Variants in USP34 observed in about 807,000 individuals in gnomAD.
USP34 encodes ubiquitin specific peptidase 34, also known as ubiquitin carboxyl-terminal hydrolase 34.
In USP34, 70 loss-of-function variants were observed where a neutral mutation model predicts 460.3. The observed-to-expected ratio is 0.15, with a 90% confidence interval of 0.13 to 0.19. The LOEUF is 0.19. USP34 is among the 10% of genes least tolerant of loss of function. The pLI is 1.00. For missense variants in USP34, 3,985 were observed against 4,236.2 expected (o/e 0.94, Z 1.65); for synonymous variants, 1,647 against 1,405.3 (o/e 1.17, Z -3.85).
chr2:61,253,790 AG>A (rs1341209365), intron 48 of USP34, among the ~76,000 whole-genome samples: 2 of 150,324 alleles, frequency 1.3e-5, no homozygotes, highest in African/African-American at 4.9e-5. Flanking sequence ...GCTGGAGTGC[AG>A]GGGCATGGTC....
chr2:61,230,163 C>T (rs1297585004), intron 58 of USP34, among the ~76,000 whole-genome samples: 1 of 152,128 alleles, frequency 6.6e-6, no homozygotes, highest in Non-Finnish European at 1.5e-5. Flanking sequence ...GTATCAGCTG[C>T]TGAAGATTAT....
intron 32 of USP34, 96 bp downstream of exon 32, chr2:61,294,829 ACTATGCTTTATTTTAATAGTATAT>A: frequency 1.2e-6 from 1 of 829,138 alleles, no homozygotes; most frequent in Non-Finnish European, 1.9e-6. Context: ...TGATTTTTAA[ACTATGCTTTATTTTAATAGTATAT>A]TAGTTTAAAA....
chr2:61,188,092 A>G lies in USP34; in HGVS notation c.*10T>C. On this transcript the variant is annotated 3_prime_UTR_variant, in exon 80 of 80. Transcript: ENST00000398571. Reference sequence around the variant, plus strand: ...TGAGGGACTTAAAAGTAGACATGCTACACCTAATGTCAAGAAGCAGCTTGG... The same window carrying G: ...TGAGGGACTTAAAAGTAGACATGCTGCACCTAATGTCAAGAAGCAGCTTGG... 2.5e-6 allele frequency: 4 copies of G among 1,607,320 alleles called. No homozygotes were observed. The highest frequency in any genetic ancestry group is 3.4e-6 in the Non-Finnish European group (4 of 1,176,456).
chr2:61,345,385 G>GTAA (rs1383888782), intron 15 of USP34, among the ~76,000 whole-genome samples: 1 of 152,084 alleles, frequency 6.6e-6, no homozygotes, highest in Non-Finnish European at 1.5e-5. Flanking sequence ...AAATAAAGAA[G>GTAA]TAATATGTAT....
At chr2:61,390,833 A>T (rs1473216058) in intron 5 of USP34, among the ~76,000 whole-genome samples, 1 of 152,016 alleles carries the variant, frequency 6.6e-6, no homozygotes, top group Non-Finnish European at 1.5e-5. Flanking sequence ...GCAGTGGCTC[A>T]CACCTGTAAT....
intron 20 of USP34, among the ~76,000 whole-genome samples, chr2:61,326,777 ATTT>A (rs35060068): frequency 1.2e-3 from 119 of 103,002 alleles, no homozygotes; most frequent in Admixed American, 2.1e-3. Context: ...GTCAATGGGC[ATTT>A]TTTTTTTTTT....
chr2:61,461,404 A>C (rs540536291), intron 1 of USP34, among the ~76,000 whole-genome samples: 1 of 152,254 alleles, frequency 6.6e-6, no homozygotes, highest in East Asian at 1.9e-4. Context: ...AAAAAAATAA[A>C]AAAAAAAACC....
intron 78 of USP34, 199 bp from the exon 79 acceptor site, chr2:61,189,268 T>TG (rs1686547721): frequency 1.5e-5 from 8 of 541,834 alleles, no homozygotes; most frequent in Non-Finnish European, 2.4e-5. Flanking sequence ...TGTTTTTTTT[T>TG]TTTGTTTTGT....
At chr2:61,243,168 C>T (rs1485246301) in intron 51 of USP34, among the ~76,000 whole-genome samples, 7 of 148,490 alleles carry the variant, frequency 4.7e-5, no homozygotes, top group African/African-American at 1.5e-4. Flanking sequence ...TTTTTTGAGA[C>T]GGAGTTTTGC....
chr2:61,328,085 C>A (rs1427904013), intron 20 of USP34, among the ~76,000 whole-genome samples: 1 of 152,000 alleles, frequency 6.6e-6, no homozygotes, highest in Non-Finnish European at 1.5e-5. Flanking sequence ...GGTGGATCGC[C>A]TGAGGTCAAG....
At chr2:61,249,773 G>C (rs1266232950) in intron 48 of USP34, 1 of 155,690 alleles carries the variant, frequency 6.4e-6, no homozygotes, top group African/African-American at 2.4e-5. Flanking sequence ...ATAGGAATGG[G>C]GGCAGTGTTC....
At chr2:61,245,140 A>T in intron 51 of USP34, 70 bp downstream of exon 51, 1 of 1,163,552 alleles carries the variant, frequency 8.6e-7, no homozygotes, top group Non-Finnish European at 1.2e-6. Context: ...CGACTCTGCT[A>T]TTGGATTTTA....
At chr2:61,451,145 C>T (rs548134025) in intron 1 of USP34, among the ~76,000 whole-genome samples, 2 of 131,880 alleles carry the variant, frequency 1.5e-5, no homozygotes, top group Admixed American at 8.8e-5. Flanking sequence ...CACTTGAACC[C>T]GAGAGGTGGA....
At chr2:61,458,518 A>G (rs1461642647) in intron 1 of USP34, among the ~76,000 whole-genome samples, 2 of 144,552 alleles carry the variant, frequency 1.4e-5, no homozygotes, top group Non-Finnish European at 3.0e-5. Flanking sequence ...CCAAGATCAC[A>G]CCATTGCACT....
At chr2:61,379,434 C>T (rs566579096) in intron 7 of USP34, among the ~76,000 whole-genome samples, 3 of 152,062 alleles carry the variant, frequency 2.0e-5, no homozygotes, top group Non-Finnish European at 4.4e-5. Flanking sequence ...GCAAGAGCAT[C>T]GCTTGAACCC....
At chr2:61,458,430 G>A (rs986691445) in intron 1 of USP34, among the ~76,000 whole-genome samples, 2 of 151,222 alleles carry the variant, frequency 1.3e-5, no homozygotes, top group East Asian at 2.0e-4. Context: ...GCGTGGTGGC[G>A]GGTGCCTGTA....
chr2:61,374,159 G>GA (rs76561805), intron 8 of USP34, among the ~76,000 whole-genome samples: 5,096 of 117,560 alleles, frequency 0.043, 308 homozygotes, highest in African/African-American at 0.14. Flanking sequence ...CCATCTCAGG[G>GA]AAAAAAAAAA....
chr2:61,245,959 T>C (rs1688407012), intron 50 of USP34, among the ~76,000 whole-genome samples: 1 of 151,940 alleles, frequency 6.6e-6, no homozygotes, highest in Non-Finnish European at 1.5e-5. Flanking sequence ...CAATAGGAGG[T>C]GAAACAAGCA....
intron 34 of USP34, among the ~76,000 whole-genome samples, chr2:61,288,320 T>G (rs1195952078): frequency 6.6e-6 from 1 of 152,230 alleles, no homozygotes; most frequent in African/African-American, 2.4e-5. Context: ...CTTTTGTTTT[T>G]AAAGCCTTGT....
Sources: gnomAD v4.1 joint callset for allele counts (sites outside exome capture counted in the v4.1 genomes callset) on GRCh38, gnomAD v4.1.1 for gene constraint, MANE v1.5 for transcripts, NCBI Gene and HGNC (gene_info 2026-07-23, HGNC 2026-07-21) for gene names.